The following PACRG variants were observed in gnomAD, a reference collection of about 807,000 sequenced individuals.
PACRG encodes parkin coregulated, also known as parkin coregulated gene protein.
In PACRG, 29 loss-of-function variants were observed where a neutral mutation model predicts 29.7. The observed-to-expected ratio is 0.98, with a 90% confidence interval of 0.73 to 1.33. PACRG has a LOEUF of 1.33. Among genes scored for constraint, PACRG ranks in the 40% most tolerant of loss-of-function variants. The pLI is 0.00. For synonymous variants in PACRG, 116 were observed against 118.7 expected (o/e 0.98, Z 0.15); for missense variants, 279 against 316.2 (o/e 0.88, Z 0.89).
intron 2 of PACRG, among the ~76,000 whole-genome samples, chr6:162,828,019 G>A (rs998152193): frequency 6.6e-6 from 1 of 152,074 alleles, no homozygotes; most frequent in Admixed American, 6.6e-5. Context: ...ACTTTGACCT[G>A]CCTTAGCCCC....
intron 4 of PACRG, among the ~76,000 whole-genome samples, chr6:163,093,189 G>A (rs1814271915): frequency 6.6e-6 from 1 of 152,182 alleles, no homozygotes; most frequent in Admixed American, 6.5e-5. Flanking sequence ...CCTCTTTCCA[G>A]CACAGACAAG....
At chr6:163,037,688 T>A (rs1034413007) in intron 2 of PACRG, among the ~76,000 whole-genome samples, 1 of 152,120 alleles carries the variant, frequency 6.6e-6, no homozygotes, top group African/African-American at 2.4e-5. Flanking sequence ...CACCCCAGGA[T>A]TTCCCTCAGT....
intron 4 of PACRG, among the ~76,000 whole-genome samples, chr6:163,153,611 C>T (rs1271034635): frequency 6.6e-6 from 1 of 151,978 alleles, no homozygotes; most frequent in East Asian, 1.9e-4. Context: ...TTGAAGCATC[C>T]AAAATGATAC....
chr6:162,980,699 C>T (rs1261146668), intron 2 of PACRG, among the ~76,000 whole-genome samples: 1 of 152,098 alleles, frequency 6.6e-6, no homozygotes, highest in Non-Finnish European at 1.5e-5. Flanking sequence ...CTGATGTTCT[C>T]GACCTTCCAT....
chr6:162,827,996 G>T (rs1348197859), intron 2 of PACRG, among the ~76,000 whole-genome samples: 2 of 152,114 alleles, frequency 1.3e-5, no homozygotes, highest in Non-Finnish European at 2.9e-5. Flanking sequence ...AAGAACTGGA[G>T]CAGGGTTATT....
rs113917946 is a variant in PACRG, at chr6:162,804,445, A to G, written c.157-9702A>G. Among the ~76,000 whole-genome samples, 831 of 152,278 alleles carry G rather than the reference A, an allele frequency of 5.5e-3. 12 individuals are homozygous for G. Among genetic ancestry groups the G allele is most frequent in the African/African-American group, 0.019 (787 of 41,558 alleles). Reference sequence around the variant, plus strand: ...AGTCTTTTTCTGACTGTGTGCTGACATGGTGATTTCCAGCCGGTTATTTTC... The same window carrying G: ...AGTCTTTTTCTGACTGTGTGCTGACGTGGTGATTTCCAGCCGGTTATTTTC... On this transcript the variant is annotated intron_variant, in intron 1 of 4. Transcript: ENST00000366888.
At chr6:163,018,214 T>C (rs1456319231) in intron 2 of PACRG, among the ~76,000 whole-genome samples, 1 of 152,172 alleles carries the variant, frequency 6.6e-6, no homozygotes, top group Non-Finnish European at 1.5e-5. Flanking sequence ...TTTACATGTT[T>C]TCCTACTCTC....
At chr6:162,799,628 C>G (rs1785682003) in intron 1 of PACRG, among the ~76,000 whole-genome samples, 1 of 151,658 alleles carries the variant, frequency 6.6e-6, no homozygotes, top group South Asian at 2.1e-4. Flanking sequence ...GAAAGTGGGA[C>G]CCTTTTTTTT....
intron 2 of PACRG, among the ~76,000 whole-genome samples, chr6:162,818,808 C>G (rs1315309468): frequency 6.6e-6 from 1 of 152,110 alleles, no homozygotes; most frequent in African/African-American, 2.4e-5. Flanking sequence ...CACTAAATTT[C>G]TAATAACCAG....
intron 2 of PACRG, among the ~76,000 whole-genome samples, chr6:162,814,703 T>G (rs1459605565): frequency 6.6e-6 from 1 of 152,100 alleles, no homozygotes; most frequent in Non-Finnish European, 1.5e-5. Context: ...GTCAAGATTG[T>G]CTGCTCCCTG....
chr6:162,995,550 C>T (rs1037172457), intron 2 of PACRG, among the ~76,000 whole-genome samples: 2 of 152,240 alleles, frequency 1.3e-5, no homozygotes, highest in African/African-American at 4.8e-5. Context: ...AGCGAACTCC[C>T]TGACCCCTTG....
At chr6:162,947,704 G>T (rs1231390557) in intron 2 of PACRG, among the ~76,000 whole-genome samples, 2 of 132,058 alleles carry the variant, frequency 1.5e-5, no homozygotes, top group South Asian at 2.3e-4. Context: ...CAGTAAAGTT[G>T]CAGGATACAA....
chr6:163,103,020 T>C (rs939033650), intron 4 of PACRG, among the ~76,000 whole-genome samples: 6 of 152,244 alleles, frequency 3.9e-5, no homozygotes, highest in African/African-American at 1.4e-4. Flanking sequence ...ATTTGCTGAA[T>C]GGGTGGATGG....
At chr6:162,929,252 C>T (rs1208000921) in intron 2 of PACRG, among the ~76,000 whole-genome samples, 1 of 151,848 alleles carries the variant, frequency 6.6e-6, no homozygotes, top group Non-Finnish European at 1.5e-5. Flanking sequence ...AAGAGTTCCC[C>T]GTTCTTGACA....
chr6:162,919,319 G>A (rs116547896), intron 2 of PACRG, among the ~76,000 whole-genome samples: 2,391 of 152,222 alleles, frequency 0.016, 75 homozygotes, highest in African/African-American at 0.048. Flanking sequence ...AGACAGTATG[G>A]GATTCCCAAT....
chr6:163,139,052 C>G (rs1817049600), intron 4 of PACRG, among the ~76,000 whole-genome samples: 1 of 152,222 alleles, frequency 6.6e-6, no homozygotes, highest in Non-Finnish European at 1.5e-5. Context: ...TGACCACAAA[C>G]TTGGTGGCTT....
Position 162,750,427 on chromosome 6 carries a change from T to C in PACRG, c.156+22036T>C, listed in dbSNP as rs573942304. 8.5e-4 allele frequency among the ~76,000 whole-genome samples: 130 copies of C among 152,340 alleles called. 7 individuals carry two copies. The South Asian group carries it at 0.026, about 31-fold the overall frequency. Reference sequence around the variant, plus strand: ...TATTCTAGGATCATAAGTTAGACCATGTATTCCTAAGGCTTGAAAAATCAA... The same window carrying C: ...TATTCTAGGATCATAAGTTAGACCACGTATTCCTAAGGCTTGAAAAATCAA... On this transcript the variant is annotated intron_variant, in intron 1 of 4. Transcript: ENST00000366888.
At chr6:162,912,040 G>T (rs1328574588) in intron 2 of PACRG, among the ~76,000 whole-genome samples, 1 of 152,222 alleles carries the variant, frequency 6.6e-6, no homozygotes, top group Non-Finnish European at 1.5e-5. Context: ...AGACACTGGG[G>T]TCCATTGGTG....
intron 1 of PACRG, among the ~76,000 whole-genome samples, chr6:162,786,189 G>A (rs1232212026): frequency 1.3e-5 from 2 of 152,196 alleles, no homozygotes; most frequent in African/African-American, 4.8e-5. Context: ...GATTACAGAT[G>A]GCTCAGAGAG....
Sources: gnomAD v4.1 joint callset for allele counts (sites outside exome capture counted in the v4.1 genomes callset) on GRCh38, gnomAD v4.1.1 for gene constraint, MANE v1.5 for transcripts, NCBI Gene and HGNC (gene_info 2026-07-23, HGNC 2026-07-21) for gene names.